GPHN: variants seen among roughly 807,000 people sequenced by gnomAD.
The protein encoded by GPHN is gephyrin.
GPHN carries 17 observed loss-of-function variants against 95.5 expected under a neutral mutation model. That is an observed-to-expected ratio of 0.18 (90% CI 0.12 to 0.27). GPHN has a LOEUF of 0.27. Ranked by LOEUF, GPHN falls within the 10% of genes least tolerant of loss-of-function variation. The probability of loss-of-function intolerance (pLI) is 1.00; values close to 1 mark genes in which losing one functional copy is unlikely to be tolerated. For synonymous variants in GPHN, 320 were observed against 322.5 expected (o/e 0.99, Z 0.08); for missense variants, 660 against 978.1 (o/e 0.67, Z 4.34).
At chr14:66,573,844 T>A (rs1566627875) in intron 1 of GPHN, among the ~76,000 whole-genome samples, 1 of 152,204 alleles carries the variant, frequency 6.6e-6, no homozygotes, top group Admixed American at 6.5e-5. Flanking sequence ...GGTTTCCATT[T>A]CCCTGGGGTA....
At chr14:67,193,812 G>A in the GPHN span, among the ~76,000 whole-genome samples, 2 of 148,818 alleles carry the variant, frequency 1.3e-5, no homozygotes, top group African/African-American at 4.9e-5. Context: ...GGGTATGGTA[G>A]CGTGTACCTG....
the GPHN span, chr14:67,338,656 C>T: frequency 6.2e-7 from 1 of 1,614,100 alleles, no homozygotes; most frequent in Non-Finnish European, 8.5e-7. Context: ...TTCTCTTCAG[C>T]CAGAAGATTA....
chr14:67,632,359 C>T, the GPHN span, among the ~76,000 whole-genome samples: 2 of 152,160 alleles, frequency 1.3e-5, no homozygotes, highest in Non-Finnish European at 2.9e-5. Context: ...ATCACCAATA[C>T]GTGGCAATGT....
intron 1 of GPHN, among the ~76,000 whole-genome samples, chr14:66,585,237 C>G (rs2061371073): frequency 6.6e-6 from 1 of 151,862 alleles, no homozygotes; most frequent in Non-Finnish European, 1.5e-5. Context: ...TGATGATATC[C>G]CCTTTGTTAT....
intron 8 of GPHN, among the ~76,000 whole-genome samples, chr14:66,955,187 A>G (rs1045428798): frequency 2.6e-5 from 4 of 152,152 alleles, no homozygotes; most frequent in Non-Finnish European, 5.9e-5. Flanking sequence ...ATTTTTGTTA[A>G]TTCTTCTATA....
chr14:67,386,115 C>G, the GPHN span: 1 of 152,528 alleles, frequency 6.6e-6, no homozygotes, highest in Admixed American at 6.5e-5. Context: ...AGCCATCAAA[C>G]TAAACGTAGT....
At chr14:67,372,012 C>T in the GPHN span, among the ~76,000 whole-genome samples, 1 of 152,088 alleles carries the variant, frequency 6.6e-6, no homozygotes, top group Non-Finnish European at 1.5e-5. Context: ...GGCCTGTAAT[C>T]TCAGCACTTT....
At chr14:66,889,888 A>T (rs2064385514) in intron 5 of GPHN, among the ~76,000 whole-genome samples, 1 of 152,160 alleles carries the variant, frequency 6.6e-6, no homozygotes, top group Non-Finnish European at 1.5e-5. Context: ...CTAAGAAAAA[A>T]AAAGAAACTC....
intron 4 of GPHN, among the ~76,000 whole-genome samples, chr14:66,860,053 CTT>C (rs957998595): frequency 5.3e-5 from 8 of 151,998 alleles, no homozygotes; most frequent in African/African-American, 1.9e-4. Context: ...GGAGTAGAAA[CTT>C]TATTCAAAGG....
At chr14:67,577,547 A>T in the GPHN span, 2 of 637,836 alleles carry the variant, frequency 3.1e-6, no homozygotes, top group Admixed American at 2.5e-5. Flanking sequence ...GGTCCCTATC[A>T]CTTCCTGGAT....
intron 3 of GPHN, among the ~76,000 whole-genome samples, chr14:66,785,944 GAA>G (rs1394590266): frequency 6.6e-6 from 1 of 152,074 alleles, no homozygotes; most frequent in Non-Finnish European, 1.5e-5. Context: ...GACATTAAGA[GAA>G]GAGGAAAGTT....
intron 9 of GPHN, among the ~76,000 whole-genome samples, chr14:66,985,020 G>A (rs368013872): frequency 2.0e-5 from 3 of 151,938 alleles, no homozygotes; most frequent in Non-Finnish European, 2.9e-5. Flanking sequence ...TTCATTTCCC[G>A]TCTTACCCAA....
At chr14:66,870,175 G>A (rs1429996662) in intron 4 of GPHN, among the ~76,000 whole-genome samples, 1 of 152,184 alleles carries the variant, frequency 6.6e-6, no homozygotes, top group African/African-American at 2.4e-5. Context: ...ACGTGAGAAA[G>A]ACTGTGTTTG....
At chr14:66,799,785 G>A (rs1438516483) in intron 3 of GPHN, among the ~76,000 whole-genome samples, 2 of 151,798 alleles carry the variant, frequency 1.3e-5, no homozygotes, top group Non-Finnish European at 2.9e-5. Flanking sequence ...TTTTTTAATG[G>A]AAGCATTTAG....
chr14:67,257,593 A>G, the GPHN span, among the ~76,000 whole-genome samples: 1 of 152,154 alleles, frequency 6.6e-6, no homozygotes, highest in Non-Finnish European at 1.5e-5. Context: ...TGCTCAACAG[A>G]TAACTAAAAA....
chr14:67,205,014 T>G, the GPHN span: 1 of 1,556,382 alleles, frequency 6.4e-7, no homozygotes, highest in Non-Finnish European at 8.7e-7. Context: ...CAGACAGCTC[T>G]GATATTACAA....
At chr14:67,325,813 CTT>C in the GPHN span, among the ~76,000 whole-genome samples, 5 of 142,944 alleles carry the variant, frequency 3.5e-5, no homozygotes, top group Non-Finnish European at 3.1e-5. Context: ...TGTTAAGCAT[CTT>C]TTTTTTTTTT....
the GPHN span, among the ~76,000 whole-genome samples, chr14:67,417,578 T>G: frequency 2.6e-4 from 39 of 151,736 alleles, no homozygotes; most frequent in Admixed American, 1.2e-3. Context: ...ACTATATGCA[T>G]GCACCAACAC....
At chr14:67,381,907 G>C in the GPHN span, among the ~76,000 whole-genome samples, 1 of 152,076 alleles carries the variant, frequency 6.6e-6, no homozygotes, top group African/African-American at 2.4e-5. Flanking sequence ...AGTGGATGGA[G>C]ATTCCTATTG....
Sources: gnomAD v4.1 joint callset for allele counts (sites outside exome capture counted in the v4.1 genomes callset) on GRCh38, gnomAD v4.1.1 for gene constraint, MANE v1.5 for transcripts, NCBI Gene and HGNC (gene_info 2026-07-23, HGNC 2026-07-21) for gene names.